Variants in NLRC5 observed in about 807,000 individuals in gnomAD.
NLRC5 encodes the protein protein NLRC5.
Under a neutral mutation model 206.9 loss-of-function variants are expected in NLRC5, and 114 were observed. That is an observed-to-expected ratio of 0.55 (90% CI 0.47 to 0.64). NLRC5 has a LOEUF of 0.64. NLRC5 is among the 30% of genes least tolerant of loss of function. NLRC5 has a pLI of 0.00. For missense variants in NLRC5, 2,008 were observed against 2,305.5 expected (o/e 0.87, Z 2.64); for synonymous variants, 952 against 962.8 (o/e 0.99, Z 0.21).
chr16:57,013,078 A>T (rs1254230744), intron 1 of NLRC5: 1 of 234,308 alleles, frequency 4.3e-6, no homozygotes, highest in Non-Finnish European at 8.9e-6. Context: ...CTTTACCTGT[A>T]TAGTATTTAA....
chr16:57,049,254 C>T (rs1160422753), intron 23 of NLRC5, among the ~76,000 whole-genome samples: 1 of 152,256 alleles, frequency 6.6e-6, no homozygotes, highest in Non-Finnish European at 1.5e-5. Flanking sequence ...GAAATCCAAA[C>T]TGCTTCTAGG....
rs561919216 is a variant in NLRC5 at position 57,049,917 on chromosome 16, A to G, written c.3423-1621A>G. Among the ~76,000 whole-genome samples the G allele has an allele frequency of 2.0e-5, 3 of 152,092 alleles. No individual in the cohort carries two copies. In the South Asian group the frequency reaches 6.2e-4, roughly 32 times the overall value. On this transcript the variant is annotated intron_variant, in intron 23 of 48. Transcript: ENST00000688547. Reference sequence around the variant, plus strand: ...TGTGATCACTTGCAGGATTATTGCTATAAATAGTCATCAAGGTACTCAATG... The same window carrying G: ...TGTGATCACTTGCAGGATTATTGCTGTAAATAGTCATCAAGGTACTCAATG...
intron 21 of NLRC5, among the ~76,000 whole-genome samples, chr16:57,046,262 G>A (rs949291488): frequency 6.6e-6 from 1 of 152,178 alleles, no homozygotes; most frequent in African/African-American, 2.4e-5. Flanking sequence ...CTCTGTCTTG[G>A]GTCCTCCTGC....
At chr16:57,019,113 C>T (rs1193156998) in intron 2 of NLRC5, among the ~76,000 whole-genome samples, 3 of 152,096 alleles carry the variant, frequency 2.0e-5, no homozygotes, top group Admixed American at 6.5e-5. Context: ...AGTTCCAGTT[C>T]GGCCATCATG....
chr16:57,045,396 G>A, intron 20 of NLRC5, 52 bp from the exon 21 acceptor site: 1 of 1,605,286 alleles, frequency 6.2e-7, no homozygotes, highest in Admixed American at 1.7e-5. Flanking sequence ...GCCACTGCCA[G>A]GGAAGTTGGT....
chr16:57,006,413 C>CTTT (rs58713490), intron 1 of NLRC5, among the ~76,000 whole-genome samples: 2,909 of 90,460 alleles, frequency 0.032, 382 homozygotes, highest in South Asian at 0.096. Context: ...TCTTCATCCT[C>CTTT]TTTTTTTTTT....
At chr16:57,036,634 G>T (rs2062615046) in intron 14 of NLRC5, among the ~76,000 whole-genome samples, 1 of 151,624 alleles carries the variant, frequency 6.6e-6, no homozygotes, top group Admixed American at 6.6e-5. Context: ...GTGTGCTGTG[G>T]TGTTGCATGG....
At chr16:57,082,147 G>A (rs767620522) in intron 48 of NLRC5, among the ~76,000 whole-genome samples, 1 of 152,226 alleles carries the variant, frequency 6.6e-6, no homozygotes, top group Non-Finnish European at 1.5e-5. Context: ...TGAAGAAAGA[G>A]GGTCTTTTCC....
At chr16:57,051,796 C>G (rs1284479346) in intron 24 of NLRC5, among the ~76,000 whole-genome samples, 175 bp downstream of exon 24, 1 of 150,396 alleles carries the variant, frequency 6.6e-6, no homozygotes, top group Non-Finnish European at 1.5e-5. Context: ...CCTGGCACAA[C>G]TGGGGACTCC....
chr16:57,071,590 G>A (rs2067784591), intron 38 of NLRC5, among the ~76,000 whole-genome samples: 2 of 138,764 alleles, frequency 1.4e-5, no homozygotes, highest in African/African-American at 5.6e-5. Flanking sequence ...GGGGAAGGGG[G>A]TGAGTGAGTG....
intron 2 of NLRC5, among the ~76,000 whole-genome samples, chr16:57,018,415 C>G (rs1212698059): frequency 6.6e-6 from 1 of 152,220 alleles, no homozygotes; most frequent in Non-Finnish European, 1.5e-5. Flanking sequence ...TGGCCATGGT[C>G]TTTCCGTCTG....
rs200485271 is a variant in NLRC5 at position 57,025,466 on chromosome 16, G to T, written c.523G>T (p.Val175Phe). Reference sequence around the variant, plus strand: ...AGGGCAGCCCCACGCCTTCCACCAGGTCTATGTCCCTCCAATCCTGCGCCG... The same window carrying T: ...AGGGCAGCCCCACGCCTTCCACCAGTTCTATGTCCCTCCAATCCTGCGCCG... ...GSGQPHAFHQ[V>F]YVPPILRRAT... The change falls in exon 6 of 49, where the codon GTC becomes TTC. Residue 175 changes from valine to phenylalanine, a missense_variant. By Grantham distance (50) the Val-to-Phe change is conservative. Coordinates refer to ENST00000688547, the MANE Select transcript of NLRC5 (RefSeq NM_001384950.1). 1.2e-5 allele frequency: 20 copies of T among 1,612,478 alleles called. No homozygotes were observed. The highest frequency in any genetic ancestry group is 1.7e-5 in the Non-Finnish European group (20 of 1,179,108).
chr16:57,059,040 G>T lies in NLRC5; in HGVS notation c.3899G>T (p.Arg1300Leu), dbSNP rs148819905. 6.2e-7 allele frequency: 1 copy of T among 1,614,086 alleles called. No homozygotes were observed. ...CTGGAGACACTGCCCTCCTGCCCAC[G>T]TGTCCGGGAGGCCTCAGTGAAGTAA... Reference protein sequence around the residue: ...YLLETLPSCPRVREASVNLGS... With the variant: ...YLLETLPSCPLVREASVNLGS... Residue 1300 changes from arginine to leucine, a missense_variant, in exon 29 of 49, where the codon CGT becomes CTT. Transcript: ENST00000688547.
Position 57,069,931 on chromosome 16 carries a change from A to C in NLRC5, c.4583+12A>C, listed in dbSNP as rs1296754781. ...TTGGAGGAGCTGGAGTGAGTTGCAG[A>C]GTGGAGGGATTGGGGACAAGTGGCC... is the stretch of plus-strand genomic sequence containing the variant. On this transcript the variant is annotated intron_variant, in intron 37 of 48. Coordinates refer to ENST00000688547, the MANE Select transcript of NLRC5 (RefSeq NM_001384950.1). 6.4e-7 allele frequency: 1 copy of C among 1,564,472 alleles called. No homozygotes were observed. The highest frequency in any genetic ancestry group is 8.7e-7 in the Non-Finnish European group (1 of 1,155,200).
At chr16:57,080,316 T>C (rs957970590) in intron 46 of NLRC5, among the ~76,000 whole-genome samples, 2 of 152,148 alleles carry the variant, frequency 1.3e-5, no homozygotes, top group African/African-American at 4.8e-5. Flanking sequence ...GGATTCTCCC[T>C]TTTTAACCAA....
intron 18 of NLRC5, 149 bp downstream of exon 18, chr16:57,041,723 A>G: frequency 1.4e-6 from 1 of 701,006 alleles, no homozygotes. Context: ...GAAAGTTGTG[A>G]CTCTTCCTCC....
intron 1 of NLRC5, among the ~76,000 whole-genome samples, chr16:57,014,792 C>T (rs1385240055): frequency 6.6e-6 from 1 of 152,212 alleles, no homozygotes; most frequent in Non-Finnish European, 1.5e-5. Context: ...CGGGAAGTCC[C>T]CAATCAGGGA....
chr16:57,032,707 A>G (rs2062018417), intron 11 of NLRC5, among the ~76,000 whole-genome samples: 2 of 151,984 alleles, frequency 1.3e-5, no homozygotes, highest in East Asian at 1.9e-4. Flanking sequence ...AGAAAGTTCT[A>G]TTAAACAGGC....
rs1204865275 is a variant in NLRC5, at chr16:57,034,190, G to C, written c.2566G>C (p.Val856Leu). ...TLRLQKCQLQ[V>L]HDAEALIALL... Reference sequence around the variant, plus strand: ...AAGGCTGCAGAAGTGTCAGCTCCAGGTCCACGATGCGGAGGCCCTCATAGC... The same window carrying C: ...AAGGCTGCAGAAGTGTCAGCTCCAGCTCCACGATGCGGAGGCCCTCATAGC... The change falls in exon 13 of 49, where the codon GTC becomes CTC. Residue 856 changes from valine to leucine, a missense_variant. Coordinates refer to ENST00000688547, the MANE Select transcript of NLRC5 (RefSeq NM_001384950.1). 11 of 1,614,110 alleles carry C rather than the reference G, an allele frequency of 6.8e-6. No individual in the cohort carries two copies. Among genetic ancestry groups the C allele is most frequent in the Non-Finnish European group, 9.3e-6 (11 of 1,179,990 alleles).
Sources: gnomAD v4.1 joint callset for allele counts (sites outside exome capture counted in the v4.1 genomes callset) on GRCh38, gnomAD v4.1.1 for gene constraint, MANE v1.5 for transcripts, NCBI Gene and HGNC (gene_info 2026-07-23, HGNC 2026-07-21) for gene names.